PARD3B: variants seen among roughly 807,000 people sequenced by gnomAD.
The protein encoded by PARD3B is partitioning defective 3 homolog B.
In PARD3B, 103 loss-of-function variants were observed where a neutral mutation model predicts 130.2. The ratio of observed to expected loss-of-function variants is 0.79; its 90% CI spans 0.67 to 0.93. The LOEUF (loss-of-function observed/expected upper bound fraction) is 0.93. Among genes scored for constraint, PARD3B ranks in the 40% least tolerant of loss-of-function variants. The probability of loss-of-function intolerance (pLI) is 0.00; values close to 1 mark genes in which losing one functional copy is unlikely to be tolerated. For synonymous variants in PARD3B, 583 were observed against 553.2 expected (o/e 1.05, Z -0.76); for missense variants, 1,609 against 1,499.2 (o/e 1.07, Z -1.21).
intron 18 of PARD3B, among the ~76,000 whole-genome samples, chr2:205,306,830 A>T (rs1315244468): frequency 6.6e-6 from 1 of 152,228 alleles, no homozygotes; most frequent in Non-Finnish European, 1.5e-5. Context: ...CAAAGCTGTT[A>T]CCATTAGCCA....
chr2:205,487,197 C>T (rs2049477468), intron 20 of PARD3B, among the ~76,000 whole-genome samples: 1 of 152,156 alleles, frequency 6.6e-6, no homozygotes. Flanking sequence ...ATTTAGAACA[C>T]TTTGACTCTT....
At chr2:204,720,610 G>A (rs1265363380) in intron 2 of PARD3B, among the ~76,000 whole-genome samples, 3 of 152,000 alleles carry the variant, frequency 2.0e-5, no homozygotes, top group African/African-American at 7.3e-5. Flanking sequence ...TGAAGCAGAA[G>A]ACAAAAGCAA....
chr2:205,265,209 A>G lies in PARD3B; in HGVS notation c.2185+19387A>G, dbSNP rs763247836. Among the ~76,000 whole-genome samples, 11 of 152,014 alleles carry G rather than the reference A, an allele frequency of 7.2e-5. No individual in the cohort carries two copies. The highest frequency in any genetic ancestry group is 5.2e-4 in the Admixed American group (8 of 15,252). Reference sequence around the variant, plus strand: ...TTCATCACATTATTGTGTGTAAGATATATTTACAAGAGACTTAGACAAAGC... The same window carrying G: ...TTCATCACATTATTGTGTGTAAGATGTATTTACAAGAGACTTAGACAAAGC... On this transcript the variant is annotated intron_variant, in intron 16 of 22. Transcript: ENST00000406610. This position sits in a 1 kb window ranked among gnomAD's most constrained non-coding sequence, Gnocchi z 4.3.
At chr2:205,335,843 T>A (rs1007342049) in intron 18 of PARD3B, among the ~76,000 whole-genome samples, 1 of 152,056 alleles carries the variant, frequency 6.6e-6, no homozygotes, top group Non-Finnish European at 1.5e-5. Context: ...ACAGCACAGG[T>A]AAGACCCGCA....
intron 18 of PARD3B, among the ~76,000 whole-genome samples, chr2:205,362,669 C>A (rs1325113847): frequency 6.6e-6 from 1 of 152,234 alleles, no homozygotes; most frequent in East Asian, 1.9e-4. Context: ...CTTGTCAAAG[C>A]AGTCACCTTC....
chr2:205,358,737 G>C (rs895273772), intron 18 of PARD3B, among the ~76,000 whole-genome samples: 7 of 152,118 alleles, frequency 4.6e-5, no homozygotes, highest in Admixed American at 2.0e-4. Context: ...CCCGTCTTTT[G>C]AATAATTCCT....
At chr2:204,766,700 A>G (rs2041164192) in intron 2 of PARD3B, among the ~76,000 whole-genome samples, 1 of 152,018 alleles carries the variant, frequency 6.6e-6, no homozygotes, top group Non-Finnish European at 1.5e-5. Flanking sequence ...TAAAAACCAG[A>G]GGAACTAAAA....
chr2:204,806,758 A>G (rs2042781504), intron 2 of PARD3B, among the ~76,000 whole-genome samples: 1 of 152,210 alleles, frequency 6.6e-6, no homozygotes, highest in African/African-American at 2.4e-5. Flanking sequence ...AGGATTAAGA[A>G]CCAGAATGTA....
At chr2:205,048,075 G>A (rs1203976242) in intron 4 of PARD3B, 1 of 161,700 alleles carries the variant, frequency 6.2e-6, no homozygotes, top group Non-Finnish European at 1.3e-5. Flanking sequence ...CAGGTGTTCT[G>A]GCTCCAAAAT....
rs1391165345 is a variant in PARD3B, at chr2:204,669,307, A to T, written c.121-16874A>T. 6.6e-6 allele frequency among the ~76,000 whole-genome samples: 1 copy of T among 152,162 alleles called. No individual in the cohort carries two copies. The highest frequency in any genetic ancestry group is 6.6e-5 in the Admixed American group (1 of 15,260). Reference sequence around the variant, plus strand: ...TTACTTTATAGGATCAAGGGCAACCATGTTTACTTTCATAAGGAGTAATTT... The same window carrying T: ...TTACTTTATAGGATCAAGGGCAACCTTGTTTACTTTCATAAGGAGTAATTT... On this transcript the variant is annotated intron_variant, in intron 1 of 22. Coordinates refer to ENST00000406610, the MANE Select transcript of PARD3B (RefSeq NM_001302769.2). This position sits in a 1 kb window ranked among gnomAD's most constrained non-coding sequence, Gnocchi z 4.3.
rs540088518 is a variant in PARD3B at position 205,207,459 on chromosome 2, A to G, written c.2140+14139A>G. On this transcript the variant is annotated intron_variant, in intron 15 of 22. Transcript: ENST00000406610. ...TTTTTTGAAAGGATCAACAAAATTG[A>G]TAGACCGCTAGCAAGACTAATAAAG... Among the ~76,000 whole-genome samples, 6 of 148,228 alleles carry G rather than the reference A, an allele frequency of 4.0e-5. 1 individual carries two copies. In the East Asian group the frequency reaches 1.2e-3, roughly 29 times the overall value.
intron 2 of PARD3B, among the ~76,000 whole-genome samples, chr2:204,812,959 C>T (rs2043013737): frequency 6.6e-6 from 1 of 152,106 alleles, no homozygotes; most frequent in Non-Finnish European, 1.5e-5. Flanking sequence ...AACACATTCA[C>T]CTATTGATAG....
chr2:205,278,367 C>T lies in PARD3B; in HGVS notation c.2186-22163C>T, dbSNP rs868541288. Among the ~76,000 whole-genome samples, 18 of 152,136 alleles carry T rather than the reference C, an allele frequency of 1.2e-4. No homozygotes were observed. In the Middle Eastern group the frequency reaches 0.01, roughly 86 times the overall value. On this transcript the variant is annotated intron_variant, in intron 16 of 22. Coordinates refer to ENST00000406610, the MANE Select transcript of PARD3B (RefSeq NM_001302769.2). ...TTCAGTGAATAGATTTTCAAGATTTCGGGGACTAGAGAGAACTGGACGACT... is the reference window on the plus strand; with the variant it reads ...TTCAGTGAATAGATTTTCAAGATTTTGGGGACTAGAGAGAACTGGACGACT...
At position 205,287,075 on chromosome 2, in the gene PARD3B, T is replaced by C. The variant is rs1176987532; in HGVS notation, c.2186-13455T>C. The stretch of plus-strand genomic sequence containing the variant: ...GCAGCAACAGACTGGAACATGCCTG[T>C]CTATAAGCTGGTGTCAGACACACTT... On this transcript the variant is annotated intron_variant, in intron 16 of 22. Transcript: ENST00000406610. The surrounding 1 kb of genome is among the most constrained non-coding windows in gnomAD (Gnocchi z 4.8). Among the ~76,000 whole-genome samples the C allele has an allele frequency of 6.6e-6, 1 of 152,150 alleles. No homozygotes were observed. Among genetic ancestry groups the C allele is most frequent in the East Asian group, 1.9e-4 (1 of 5,172 alleles).
intron 4 of PARD3B, among the ~76,000 whole-genome samples, chr2:205,071,776 G>A (rs1700746772): frequency 6.6e-6 from 1 of 151,896 alleles, no homozygotes; most frequent in Non-Finnish European, 1.5e-5. Context: ...ATAAATTATT[G>A]TTATCCAGAA....
intron 6 of PARD3B, among the ~76,000 whole-genome samples, chr2:205,115,385 A>C (rs1703950700): frequency 6.6e-6 from 1 of 152,108 alleles, no homozygotes; most frequent in South Asian, 2.1e-4. Context: ...ACTTTACATC[A>C]AGGTTATGGG....
intron 18 of PARD3B, among the ~76,000 whole-genome samples, chr2:205,344,399 G>A (rs2043670499): frequency 6.6e-6 from 1 of 152,138 alleles, no homozygotes; most frequent in Non-Finnish European, 1.5e-5. Flanking sequence ...ACTGGAGGGA[G>A]AGGGATGATA....
intron 3 of PARD3B, among the ~76,000 whole-genome samples, chr2:205,036,377 TA>T (rs1697888357): frequency 1.2e-4 from 17 of 143,142 alleles, no homozygotes; most frequent in Admixed American, 2.1e-4. Context: ...AAAATATATA[TA>T]GCAGACTATA....
At chr2:205,257,034 T>A (rs2040117243) in intron 16 of PARD3B, among the ~76,000 whole-genome samples, 1 of 152,130 alleles carries the variant, frequency 6.6e-6, no homozygotes, top group Non-Finnish European at 1.5e-5. Context: ...AAGGTACCCA[T>A]GCAATGCCAT....
Sources: gnomAD v4.1 joint callset for allele counts (sites outside exome capture counted in the v4.1 genomes callset) on GRCh38, gnomAD v4.1.1 for gene constraint, Gnocchi (gnomAD v3.1) non-coding constraint, MANE v1.5 for transcripts, NCBI Gene and HGNC (gene_info 2026-07-23, HGNC 2026-07-21) for gene names.